RPS6KC1: variants seen among roughly 807,000 people sequenced by gnomAD.
The protein encoded by RPS6KC1 is ribosomal protein S6 kinase C1, also known as inactive ribosomal protein S6 kinase delta-1.
RPS6KC1 carries 54 observed loss-of-function variants against 103.8 expected under a neutral mutation model. The ratio of observed to expected loss-of-function variants is 0.52; its 90% CI spans 0.42 to 0.65. The LOEUF is 0.65. RPS6KC1 is among the 30% of genes least tolerant of loss of function. RPS6KC1 has a pLI of 0.00. For synonymous variants in RPS6KC1, 439 were observed against 438.7 expected (o/e 1.00, Z -0.01); for missense variants, 1,151 against 1,253.8 (o/e 0.92, Z 1.24).
At chr1:213,288,185 A>G in the RPS6KC1 span, among the ~76,000 whole-genome samples, 1 of 152,232 alleles carries the variant, frequency 6.6e-6, no homozygotes, top group East Asian at 1.9e-4. Context: ...AACCGTGTCA[A>G]CATTGCGCAA....
At chr1:213,818,391 T>A in the RPS6KC1 span, 1 of 152,436 alleles carries the variant, frequency 6.6e-6, no homozygotes, top group Non-Finnish European at 1.5e-5. Context: ...AACACAGGAA[T>A]GATAAGAAAG....
the RPS6KC1 span, chr1:213,832,439 T>C: frequency 6.6e-6 from 1 of 152,310 alleles, no homozygotes; most frequent in African/African-American, 2.4e-5. Context: ...TGAGTGAATA[T>C]CAAAAGCTAG....
In RPS6KC1 at chr1:213,193,214, A is replaced by T. The variant is rs748886924; in HGVS notation, c.1044+16722A>T. Among the ~76,000 whole-genome samples, 111 of 152,174 alleles carry T rather than the reference A, an allele frequency of 7.3e-4. 1 individual carries two copies. Among genetic ancestry groups the T allele is most frequent in the Admixed American group, 1.4e-3 (22 of 15,274 alleles). ...TGTTCTGTAAATATCTGTTAGGTCC[A>T]TTTGGCCTATAACACAGATTAAATT... On this transcript the variant is annotated intron_variant, in intron 8 of 14. Transcript: ENST00000366960.
At chr1:213,784,231 T>A in the RPS6KC1 span, among the ~76,000 whole-genome samples, 5 of 152,194 alleles carry the variant, frequency 3.3e-5, no homozygotes, top group African/African-American at 4.8e-5. Flanking sequence ...GACTAGCAGC[T>A]CTGGGCTTTC....
chr1:213,210,346 G>C (rs892466379), intron 8 of RPS6KC1, among the ~76,000 whole-genome samples: 2 of 152,156 alleles, frequency 1.3e-5, no homozygotes, highest in Non-Finnish European at 2.9e-5. Context: ...GAGTAAGTTT[G>C]AAGGTAACAA....
chr1:213,862,493 G>A, the RPS6KC1 span, among the ~76,000 whole-genome samples: 6 of 152,124 alleles, frequency 3.9e-5, no homozygotes, highest in African/African-American at 1.4e-4. Flanking sequence ...ATCAATTACT[G>A]TACCAGGATA....
At chr1:213,646,897 A>ATT in the RPS6KC1 span, among the ~76,000 whole-genome samples, 18 of 150,534 alleles carry the variant, frequency 1.2e-4, no homozygotes, top group African/African-American at 1.7e-4. Context: ...ATATATATAT[A>ATT]TTTTTGTTTG....
chr1:213,623,486 C>T, the RPS6KC1 span, among the ~76,000 whole-genome samples: 4 of 152,072 alleles, frequency 2.6e-5, no homozygotes, highest in South Asian at 2.1e-4. Context: ...AAAAGTCACC[C>T]ATAAGCGCTT....
chr1:213,672,281 C>T, the RPS6KC1 span, among the ~76,000 whole-genome samples: 1 of 152,234 alleles, frequency 6.6e-6, no homozygotes, highest in Admixed American at 6.5e-5. Flanking sequence ...AACCTGATCT[C>T]TTTTCTCCCT....
the RPS6KC1 span, among the ~76,000 whole-genome samples, chr1:213,767,702 A>G: frequency 2.9e-4 from 44 of 152,354 alleles, no homozygotes; most frequent in African/African-American, 1.0e-3. Context: ...ATACCTTCAG[A>G]AAACCATAAA....
chr1:213,337,979 C>A, the RPS6KC1 span, among the ~76,000 whole-genome samples: 1 of 151,908 alleles, frequency 6.6e-6, no homozygotes, highest in African/African-American at 2.4e-5. Context: ...GTAGGAGTGG[C>A]GTGTGTGTCT....
chr1:213,298,572 CTGTT>C, the RPS6KC1 span, among the ~76,000 whole-genome samples: 1 of 151,992 alleles, frequency 6.6e-6, no homozygotes, highest in South Asian at 2.1e-4. Flanking sequence ...AAGTTTGAGC[CTGTT>C]TGAGTGATCT....
chr1:213,372,253 C>T, the RPS6KC1 span, among the ~76,000 whole-genome samples: 1 of 152,184 alleles, frequency 6.6e-6, no homozygotes. Flanking sequence ...TCCAGCCCAC[C>T]TTCTAACAGG....
chr1:213,197,180 C>T (rs2092982920), intron 8 of RPS6KC1, among the ~76,000 whole-genome samples: 1 of 152,188 alleles, frequency 6.6e-6, no homozygotes, highest in Non-Finnish European at 1.5e-5. Context: ...GTTTTGGTAA[C>T]TATAGCCTTG....
chr1:213,450,431 A>G, the RPS6KC1 span, among the ~76,000 whole-genome samples: 1 of 151,956 alleles, frequency 6.6e-6, no homozygotes, highest in Non-Finnish European at 1.5e-5. Flanking sequence ...ATTCAGGAAA[A>G]TCTTTGAACT....
At chr1:213,616,866 G>T in the RPS6KC1 span, among the ~76,000 whole-genome samples, 40 of 152,302 alleles carry the variant, frequency 2.6e-4, no homozygotes, top group East Asian at 7.4e-3. Context: ...TCTGTGAGCA[G>T]AAGCAGGGCA....
At chr1:213,557,284 A>C in the RPS6KC1 span, among the ~76,000 whole-genome samples, 3 of 152,134 alleles carry the variant, frequency 2.0e-5, no homozygotes, top group Non-Finnish European at 4.4e-5. Context: ...AGAATTCTTG[A>C]GTTTCCAGGC....
At chr1:213,589,323 A>G in the RPS6KC1 span, among the ~76,000 whole-genome samples, 16,759 of 152,170 alleles carry the variant, frequency 0.11, 1,550 homozygotes, top group African/African-American at 0.25. Flanking sequence ...TCCTACTTCT[A>G]TAAGTGGGGA....
intron 8 of RPS6KC1, among the ~76,000 whole-genome samples, chr1:213,177,797 CT>C (rs1189290773): frequency 6.6e-6 from 1 of 152,108 alleles, no homozygotes; most frequent in Non-Finnish European, 1.5e-5. Flanking sequence ...TGTCTGCCCC[CT>C]CTCTTAGATC....
Sources: allele counts gnomAD v4.1 joint callset (sites outside exome capture counted in the v4.1 genomes callset), GRCh38; gene constraint gnomAD v4.1.1; transcripts MANE v1.5; gene names NCBI Gene and HGNC (gene_info 2026-07-23, HGNC 2026-07-21).